TENM3: variants seen among roughly 807,000 people sequenced by gnomAD.
TENM3 encodes teneurin-3.
TENM3 carries 63 observed loss-of-function variants against 255.1 expected under a neutral mutation model. The observed-to-expected ratio is 0.25, with a 90% CI of 0.20 to 0.30. TENM3 has a LOEUF of 0.30. Ranked by LOEUF, TENM3 falls within the 10% of genes least tolerant of loss-of-function variation. The pLI is 1.00. For synonymous variants in TENM3, 1,306 were observed against 1,322.3 expected, an observed-to-expected ratio of 0.99 and a Z score of 0.27; for missense variants, 2,929 against 3,461.1, an observed-to-expected ratio of 0.85 and a Z score of 3.86.
intron 3 of TENM3, among the ~76,000 whole-genome samples, chr4:182,378,907 A>G (rs1312300315): frequency 7.0e-6 from 1 of 142,218 alleles, no homozygotes; most frequent in African/African-American, 2.7e-5. Flanking sequence ...TTCAGAGCTC[A>G]GCTCCACATT....
At chr4:181,680,990 C>T in the TENM3 span, among the ~76,000 whole-genome samples, 1 of 152,040 alleles carries the variant, frequency 6.6e-6, no homozygotes, top group Non-Finnish European at 1.5e-5. Flanking sequence ...CATTATCTTT[C>T]TGTCCTTTTT....
intron 1 of TENM3, among the ~76,000 whole-genome samples, chr4:182,257,765 G>T (rs1229157595): frequency 6.6e-6 from 1 of 152,082 alleles, no homozygotes. Flanking sequence ...GAGAAATGTC[G>T]ATTCAGAGAA....
the TENM3 span, among the ~76,000 whole-genome samples, chr4:182,138,413 T>C: frequency 7.9e-5 from 12 of 152,204 alleles, no homozygotes; most frequent in African/African-American, 2.7e-4. Flanking sequence ...ATGTTTCAAA[T>C]AAGGCCCATA....
chr4:182,353,979 A>G (rs1353394720), intron 3 of TENM3, among the ~76,000 whole-genome samples: 2 of 152,106 alleles, frequency 1.3e-5, no homozygotes, highest in African/African-American at 4.8e-5. Context: ...AAAAAAAAAA[A>G]AAGTTACGAT....
At chr4:182,506,554 A>G (rs1003678692) in intron 3 of TENM3, among the ~76,000 whole-genome samples, 7 of 152,182 alleles carry the variant, frequency 4.6e-5, no homozygotes, top group African/African-American at 7.2e-5. Flanking sequence ...TAATTTGTAC[A>G]TCTTGATCTT....
At chr4:182,022,518 G>A in the TENM3 span, among the ~76,000 whole-genome samples, 6 of 142,682 alleles carry the variant, frequency 4.2e-5, no homozygotes, top group Non-Finnish European at 9.0e-5. Flanking sequence ...ACCTGCACAT[G>A]TATCCCCTGA....
the TENM3 span, among the ~76,000 whole-genome samples, chr4:182,098,955 C>CTTCTTTTT: frequency 7.5e-6 from 1 of 133,830 alleles, no homozygotes; most frequent in African/African-American, 2.9e-5. Context: ...GTGCACAACT[C>CTTCTTTTT]TTTTTTTCTT....
intron 22 of TENM3, among the ~76,000 whole-genome samples, chr4:182,771,466 C>G (rs1167685778): frequency 6.7e-6 from 1 of 150,334 alleles, no homozygotes; most frequent in Non-Finnish European, 1.5e-5. Flanking sequence ...AATCAGCTAA[C>G]CACGTCGTAT....
chr4:182,764,197 AGGTG>A (rs1763466474), intron 22 of TENM3, among the ~76,000 whole-genome samples: 1 of 152,246 alleles, frequency 6.6e-6, no homozygotes, highest in African/African-American at 2.4e-5. Flanking sequence ...GGTTTTGATA[AGGTG>A]GGAAGTTTTC....
At chr4:181,885,697 A>G in the TENM3 span, among the ~76,000 whole-genome samples, 1 of 152,262 alleles carries the variant, frequency 6.6e-6, no homozygotes, top group Non-Finnish European at 1.5e-5. Context: ...ACCAAGGTTT[A>G]TATCAAATAA....
Position 182,703,408 on chromosome 4 carries a change from T to A in TENM3, c.2222-10679T>A, listed in dbSNP as rs980961676. Among the ~76,000 whole-genome samples the A allele has an allele frequency of 2.0e-5, 3 of 152,230 alleles. No individual in the cohort carries two copies. The South Asian group carries it at 6.2e-4, about 32-fold the overall frequency. On this transcript the variant is annotated intron_variant, in intron 12 of 27. Transcript: ENST00000511685. ...GGGAGCTATTGAACACTCTACCCAC[T>A]TCCTTTCAAAATTTAAATTAATGTC...
the TENM3 span, among the ~76,000 whole-genome samples, chr4:181,699,300 A>T: frequency 6.6e-6 from 1 of 151,976 alleles, no homozygotes; most frequent in South Asian, 2.1e-4. Context: ...GCATGGTGGT[A>T]CACATCTGTA....
In TENM3 at chr4:182,743,310, G is replaced by T; in HGVS notation, c.3520G>T (p.Ala1174Ser). The part of the protein sequence containing the change: ...NGQADGNKLL[A>S]PVALACGIDG... ...TCAAGCTGATGGTAACAAGTTACTG[G>T]CCCCAGTGGCGCTAGCTTGTGGGAT... is the stretch of plus-strand genomic sequence containing the variant. The change falls in exon 19 of 28, where the codon GCC becomes TCC. Residue 1174 changes from alanine (A) to serine (S), a missense_variant. Ala to Ser is a moderately conservative substitution (Grantham distance 99). Transcript: ENST00000511685. 6.2e-7 allele frequency: 1 copy of T among 1,613,994 alleles called. No individual in the cohort carries two copies. Among genetic ancestry groups the T allele is most frequent in the East Asian group, 2.2e-5 (1 of 44,886 alleles).
chr4:182,295,258 TTTC>T (rs539580239), intron 1 of TENM3, among the ~76,000 whole-genome samples: 8,819 of 127,438 alleles, frequency 0.069, 722 homozygotes, highest in African/African-American at 0.097. Flanking sequence ...GTGCTTTGCT[TTTC>T]TTTTTTTTTT....
chr4:181,799,809 G>A, the TENM3 span, among the ~76,000 whole-genome samples: 1 of 152,202 alleles, frequency 6.6e-6, no homozygotes, highest in African/African-American at 2.4e-5. Flanking sequence ...CTTTGACTAG[G>A]TCTATACATT....
At chr4:181,604,243 C>A in the TENM3 span, among the ~76,000 whole-genome samples, 1 of 151,770 alleles carries the variant, frequency 6.6e-6, no homozygotes, top group Non-Finnish European at 1.5e-5. Flanking sequence ...CCAGCCTGGG[C>A]GACAGAGCGA....
chr4:182,226,187 G>A (rs1249899334), intron 1 of TENM3, among the ~76,000 whole-genome samples: 1 of 152,098 alleles, frequency 6.6e-6, no homozygotes, highest in East Asian at 1.9e-4. Flanking sequence ...CCTTAGCCAG[G>A]CTGAGAGAAA....
the TENM3 span, among the ~76,000 whole-genome samples, chr4:182,102,410 T>C: frequency 6.6e-6 from 1 of 152,176 alleles, no homozygotes; most frequent in Admixed American, 6.5e-5. Context: ...GTTCAATTGA[T>C]CCATTAAGTG....
chr4:182,347,723 C>T (rs1373699942), intron 3 of TENM3, among the ~76,000 whole-genome samples: 1 of 152,018 alleles, frequency 6.6e-6, no homozygotes, highest in Non-Finnish European at 1.5e-5. Context: ...AATTTTTAGT[C>T]AGTGCTGCTT....
Sources: gnomAD v4.1 joint callset for allele counts (sites outside exome capture counted in the v4.1 genomes callset) on GRCh38, gnomAD v4.1.1 for gene constraint, MANE v1.5 for transcripts, NCBI Gene and HGNC (gene_info 2026-07-23, HGNC 2026-07-21) for gene names.